Variants in DTD2 observed in about 807,000 individuals in gnomAD.
DTD2 encodes D-aminoacyl-tRNA deacylase 2, also known as D-tyrosyl-tRNA deacylase 2 (putative).
A neutral mutation model predicts 15.5 loss-of-function variants in DTD2; 12 were observed. The observed-to-expected ratio is 0.77, with a 90% CI of 0.50 to 1.25. The LOEUF (loss-of-function observed/expected upper bound fraction) is 1.25, where lower values mean the gene tolerates loss of function less well. DTD2 is among the 50% of genes most tolerant of loss of function. The pLI is 0.00. For synonymous variants in DTD2, 59 were observed against 77.3 expected (o/e 0.76, Z 1.24); for missense variants, 170 against 201.1 (o/e 0.85, Z 0.93).
intron 1 of DTD2, chr14:31,456,983 T>G: frequency 7.2e-6 from 3 of 414,310 alleles, no homozygotes; most frequent in Non-Finnish European, 1.3e-5. Context: ...CTGCAAGGGG[T>G]CTGAGACAGT....
chr14:31,452,278 T>C (rs1368065061), intron 2 of DTD2: 6 of 152,262 alleles, frequency 3.9e-5, no homozygotes, highest in Admixed American at 3.3e-4. Flanking sequence ...CAGTGTCATC[T>C]ACTGCCTCTG....
chr14:31,449,141 C>G (rs2031999732), intron 2 of DTD2, among the ~76,000 whole-genome samples: 1 of 152,234 alleles, frequency 6.6e-6, no homozygotes, highest in East Asian at 1.9e-4. Flanking sequence ...GATCCACTCG[C>G]CTTGGCCTCC....
rs1313743024 is a variant in DTD2, at chr14:31,446,807, T to G, written c.*1322A>C. 1.3e-5 allele frequency: 2 copies of G among 152,212 alleles called. No homozygotes were observed. The highest frequency in any genetic ancestry group is 4.8e-5 in the African/African-American group (2 of 41,444). 9.4% of individuals were successfully genotyped at this position (152,212 alleles called of 1,614,324 possible). A position where few individuals can be genotyped will look rare whatever the true frequency, so the allele number is the denominator to read the frequency against. The stretch of plus-strand genomic sequence containing the variant: ...GATAATATGGAAATGAACAAGTCAA[T>G]TTGTTTTCAAACTATTCTTATGGGA... On this transcript the variant is annotated 3_prime_UTR_variant, in exon 3 of 3. Coordinates refer to ENST00000310850, the MANE Select transcript of DTD2 (RefSeq NM_080664.3).
In DTD2 at chr14:31,446,422, T is replaced by G. The variant is rs1290599529; in HGVS notation, c.*1707A>C. On this transcript the variant is annotated 3_prime_UTR_variant, in exon 3 of 3. Transcript: ENST00000310850. ...TGACTTAATTATTCTTTCAATTTCT[T>G]GTATATCTTCCTCTCTTGCCTTTGA... 3.3e-5 allele frequency: 5 copies of G among 152,232 alleles called. No individual in the cohort carries two copies. The allele number at this position is 152,232 out of a possible 1,614,324, so 9.4% of individuals were successfully genotyped here. A position where few individuals can be genotyped will look rare whatever the true frequency, so the allele number is the denominator to read the frequency against.
intron 1 of DTD2, among the ~76,000 whole-genome samples, chr14:31,456,482 C>G (rs2032096372): frequency 6.6e-6 from 1 of 151,826 alleles, no homozygotes; most frequent in African/African-American, 2.4e-5. Context: ...GATCTGGGAC[C>G]GAATTCAGCA....
rs908855301 is a variant in DTD2, at chr14:31,446,502, C to G, written c.*1627G>C. The G allele has an allele frequency of 6.6e-6, 1 of 152,204 alleles. No homozygotes were observed. Among genetic ancestry groups the G allele is most frequent in the African/African-American group, 2.4e-5 (1 of 41,452 alleles). The allele number at this position is 152,204 out of a possible 1,614,324, so 9.4% of individuals were successfully genotyped here. On this transcript the variant is annotated 3_prime_UTR_variant, in exon 3 of 3. Transcript: ENST00000310850. ...TATCACTGTCGTAGCTCAGACTGCC[C>G]TAACAAAATACCATAGGACTGGGTG...
chr14:31,448,399 A>G lies in DTD2; in HGVS notation c.237T>C (p.Ser79=), dbSNP rs1368720029. 6.2e-7 allele frequency: 1 copy of G among 1,614,026 alleles called. No individual in the cohort carries two copies. The highest frequency in any genetic ancestry group is 1.1e-5 in the South Asian group (1 of 91,040). ...GAATGTTGCCAGGTAGATCCAATAT[A>G]GAGACATGCTTGCCATTTTCTGTCT... is the stretch of plus-strand genomic sequence containing the variant. The part of the protein sequence containing the change: ...LSETENGKHV[S]ILDLPGNILI... Residue 79 remains serine (S), a synonymous_variant, in exon 3 of 3, where the codon TCT becomes TCC. Transcript: ENST00000310850.
Position 31,451,539 on chromosome 14 carries a change from A to G in DTD2, c.181+1736T>C, listed in dbSNP as rs528131446. ...GGTTCCTTATTATCTTCTGGATTCA[A>G]ATTTCAAACTATTGCAGTTACTGGC... On this transcript the variant is annotated intron_variant, in intron 2 of 2. Transcript: ENST00000310850. Among the ~76,000 whole-genome samples, 4 of 152,124 alleles carry G rather than the reference A, an allele frequency of 2.6e-5. No individual in the cohort carries two copies. In the South Asian group the frequency reaches 8.3e-4, roughly 32 times the overall value.
chr14:31,457,170 C>T, intron 1 of DTD2, 113 bp downstream of exon 1: 1 of 1,025,744 alleles, frequency 9.7e-7, no homozygotes, highest in Non-Finnish European at 1.4e-6. Flanking sequence ...GGTATCCCCG[C>T]GGCCGGACCG....
chr14:31,448,590 G>T, intron 2 of DTD2, 136 bp from the exon 3 acceptor site: 1 of 704,158 alleles, frequency 1.4e-6, no homozygotes, highest in Non-Finnish European at 2.3e-6. Flanking sequence ...TCTCTATTTA[G>T]ATTTAAAATA....
chr14:31,455,536 G>C (rs74819375), intron 1 of DTD2, among the ~76,000 whole-genome samples: 1 of 118,990 alleles, frequency 8.4e-6, no homozygotes, highest in African/African-American at 3.3e-5. Context: ...GGGTGACAGA[G>C]TGAGACTCTG....
chr14:31,448,855 C>T (rs1025008806), intron 2 of DTD2, among the ~76,000 whole-genome samples: 1 of 152,082 alleles, frequency 6.6e-6, no homozygotes, highest in Non-Finnish European at 1.5e-5. Context: ...ATAACTCCTC[C>T]TCACACCAAA....
chr14:31,454,049 A>G (rs2032069777), intron 1 of DTD2, among the ~76,000 whole-genome samples: 1 of 152,222 alleles, frequency 6.6e-6, no homozygotes, highest in Non-Finnish European at 1.5e-5. Context: ...GAAAAGAGAC[A>G]TTTGAATAGT....
rs1426617677 is a variant in DTD2, at chr14:31,447,505, TA to T, written c.*623del. 1 of 152,122 alleles carries T rather than the reference TA, an allele frequency of 6.6e-6. No individual in the cohort carries two copies. Among genetic ancestry groups the T allele is most frequent in the Admixed American group, 6.5e-5 (1 of 15,268 alleles). The allele number at this position is 152,122 out of a possible 1,614,324, so 9.4% of individuals were successfully genotyped here. ...ATGAATTTCTTCATTGCAAAATACT[TA>T]AAATGTACATAATTTTTAAAAAACA... On this transcript the variant is annotated 3_prime_UTR_variant, in exon 3 of 3. Transcript: ENST00000310850.
chr14:31,448,365 G>T lies in DTD2; in HGVS notation c.271C>A (p.Pro91Thr). ...AGTCTTCCTCCAAGGGTAGCTTGAG[G>T]GATAATAAGAATGTTGCCAGGTAGA... The part of the protein sequence containing the change: ...LDLPGNILII[P>T]QATLGGRLKG... Residue 91 changes from proline to threonine, a missense_variant, in exon 3 of 3, where the codon CCT becomes ACT. Physicochemically the swap from Pro to Thr is conservative, Grantham distance 38. Coordinates refer to ENST00000310850, the MANE Select transcript of DTD2 (RefSeq NM_080664.3). 6.2e-7 allele frequency: 1 copy of T among 1,614,146 alleles called. No individual in the cohort carries two copies. The highest frequency in any genetic ancestry group is 8.5e-7 in the Non-Finnish European group (1 of 1,180,038).
chr14:31,453,523 CTCAGT>C (rs149984516), intron 1 of DTD2, among the ~76,000 whole-genome samples, 179 bp from the exon 2 acceptor site: 2,248 of 152,304 alleles, frequency 0.015, 135 homozygotes, highest in Admixed American at 0.1. Context: ...TTTCAATCAT[CTCAGT>C]TATTTCTTTC....
chr14:31,448,308 A>G lies in DTD2; in HGVS notation c.328T>C (p.Ser110Pro). ...KGRNMQYHSNSGKEEGFELYS... is the reference protein window; with the variant it reads ...KGRNMQYHSNPGKEEGFELYS... ...AGTTCAAACCCTTCTTCTTTTCCAG[A>G]GTTAGAGTGATATTGCATGTTTCTT... The change falls in exon 3 of 3, where the codon TCT becomes CCT. Residue 110 changes from serine (S) to proline (P), a missense_variant. Physicochemically the swap from Ser to Pro is moderately conservative, Grantham distance 74 (BLOSUM62 -1). Transcript: ENST00000310850. 1 of 1,614,108 alleles carries G rather than the reference A, an allele frequency of 6.2e-7. No homozygotes were observed. Among genetic ancestry groups the G allele is most frequent in the Non-Finnish European group, 8.5e-7 (1 of 1,180,004 alleles).
intron 2 of DTD2, chr14:31,452,869 A>ATTAT (rs1357567309): frequency 3.3e-5 from 5 of 153,308 alleles, no homozygotes; most frequent in South Asian, 2.0e-4. Flanking sequence ...TAAAAATAAA[A>ATTAT]GGGGAGGAAA....
At chr14:31,448,713 C>T (rs1260815130) in intron 2 of DTD2, among the ~76,000 whole-genome samples, 5 of 152,166 alleles carry the variant, frequency 3.3e-5, no homozygotes, top group African/African-American at 1.2e-4. Flanking sequence ...ACAATAAGTT[C>T]ATCCAGAAAG....
Sources: gnomAD v4.1 joint callset for allele counts (sites outside exome capture counted in the v4.1 genomes callset) on GRCh38, gnomAD v4.1.1 for gene constraint, MANE v1.5 for transcripts, NCBI Gene and HGNC (gene_info 2026-07-23, HGNC 2026-07-21) for gene names.